Variants in CSMD1 observed in about 807,000 individuals in gnomAD.
CSMD1 encodes CUB and sushi domain-containing protein 1.
CSMD1 carries 213 observed loss-of-function variants against 417.5 expected under a neutral mutation model. The observed-to-expected ratio is 0.51, with a 90% confidence interval of 0.46 to 0.57. CSMD1 has a LOEUF of 0.57. Among genes scored for constraint, CSMD1 ranks in the 20% least tolerant of loss-of-function variants. The probability of loss-of-function intolerance (pLI) is 0.00; values close to 1 mark genes in which losing one functional copy is unlikely to be tolerated. For missense variants in CSMD1, 6,923 were observed against 4,529.7 expected (o/e 1.53, Z -15.17); for synonymous variants, 2,862 against 1,736.8 (o/e 1.65, Z -16.11).
intron 4 of CSMD1, among the ~76,000 whole-genome samples, chr8:4,005,925 AC>A (rs1441810110): frequency 6.6e-6 from 1 of 152,204 alleles, no homozygotes; most frequent in African/African-American, 2.4e-5. Flanking sequence ...ACTTTGCAGA[AC>A]CATGCATTTA....
chr8:3,607,758 C>G (rs1801691143), intron 8 of CSMD1, among the ~76,000 whole-genome samples: 1 of 152,250 alleles, frequency 6.6e-6, no homozygotes, highest in Admixed American at 6.5e-5. Context: ...AGCCCCTCCT[C>G]TGTATCTCCA....
intron 18 of CSMD1, among the ~76,000 whole-genome samples, chr8:3,379,608 A>G (rs1810509884): frequency 6.6e-6 from 1 of 152,154 alleles, no homozygotes; most frequent in African/African-American, 2.4e-5. Context: ...TCTACAACCA[A>G]CTGACCTTTG....
chr8:4,045,818 C>A (rs1340081239), intron 3 of CSMD1, among the ~76,000 whole-genome samples: 2 of 152,066 alleles, frequency 1.3e-5, no homozygotes, highest in Admixed American at 6.5e-5. Context: ...GGCTTCTCAG[C>A]ATCTTCATCA....
At position 4,988,831 on chromosome 8, in the gene CSMD1, A is replaced by T. The variant is rs1242673214; in HGVS notation, c.85+5501T>A. 2.6e-5 allele frequency among the ~76,000 whole-genome samples: 4 copies of T among 152,222 alleles called. No individual in the cohort carries two copies. The East Asian group carries it at 7.7e-4, about 29-fold the overall frequency. ...CAAAGAGGTTGATCTGCTGGAGGGA[A>T]AAAACAAGGTGTGCATTATTTCCAT... On this transcript the variant is annotated intron_variant, in intron 1 of 69. Transcript: ENST00000635120.
At chr8:3,915,004 C>T (rs996723089) in intron 5 of CSMD1, among the ~76,000 whole-genome samples, 2 of 152,092 alleles carry the variant, frequency 1.3e-5, no homozygotes, top group Non-Finnish European at 2.9e-5. Context: ...CACACACATA[C>T]AAGTGTTCAG....
chr8:4,196,508 G>T (rs972763812), intron 3 of CSMD1, among the ~76,000 whole-genome samples: 6 of 152,018 alleles, frequency 3.9e-5, no homozygotes, highest in African/African-American at 9.7e-5. Context: ...TACATTTATG[G>T]GGCCCACATT....
At chr8:4,861,726 G>C (rs1015816158) in intron 1 of CSMD1, among the ~76,000 whole-genome samples, 1 of 151,950 alleles carries the variant, frequency 6.6e-6, no homozygotes, top group African/African-American at 2.4e-5. Flanking sequence ...TATGGCATAC[G>C]TTAAAGAATG....
At chr8:3,855,868 TG>T (rs1804268724) in intron 5 of CSMD1, among the ~76,000 whole-genome samples, 1 of 152,240 alleles carries the variant, frequency 6.6e-6, no homozygotes, top group East Asian at 1.9e-4. Flanking sequence ...TATGACACTT[TG>T]GAAACATTGT....
In CSMD1 at chr8:3,931,351, C is replaced by G. The variant is rs567601987; in HGVS notation, c.818+66552G>C. Among the ~76,000 whole-genome samples, 62 of 150,580 alleles carry G rather than the reference C, an allele frequency of 4.1e-4. 2 individuals carry two copies. The highest frequency in any genetic ancestry group is 7.4e-4 in the Non-Finnish European group (50 of 67,544). ...TCAGCAGAAAAGGGCCACTCTCTCT[C>G]CCTCCCTCATTTCTCAGGCTTCTAT... On this transcript the variant is annotated intron_variant, in intron 5 of 69. Transcript: ENST00000635120.
chr8:4,119,643 A>T (rs1354485994), intron 3 of CSMD1, among the ~76,000 whole-genome samples: 4 of 152,174 alleles, frequency 2.6e-5, no homozygotes, highest in East Asian at 1.9e-4. Flanking sequence ...GTGAGGAACA[A>T]GGAAGCACAC....
intron 33 of CSMD1, among the ~76,000 whole-genome samples, chr8:3,198,343 C>A (rs1028187485): frequency 1.3e-5 from 2 of 152,200 alleles, no homozygotes; most frequent in African/African-American, 4.8e-5. Context: ...ATCTCACATA[C>A]TTTGGTCTAA....
chr8:4,638,142 G>T (rs1266595905), intron 1 of CSMD1, among the ~76,000 whole-genome samples: 7 of 152,124 alleles, frequency 4.6e-5, no homozygotes, highest in Admixed American at 3.9e-4. Flanking sequence ...TTAAAATACA[G>T]CCTCATCAAT....
At chr8:3,015,472 T>C (rs116319212) in intron 52 of CSMD1, among the ~76,000 whole-genome samples, 3,108 of 152,156 alleles carry the variant, frequency 0.02, 97 homozygotes, top group African/African-American at 0.069. Context: ...GCCATGATTA[T>C]ATAGACACAG....
intron 10 of CSMD1, among the ~76,000 whole-genome samples, chr8:3,542,893 T>G (rs28610258): frequency 0.29 from 44,806 of 152,048 alleles, 7,850 homozygotes; most frequent in East Asian, 0.43. Context: ...CAAGTGGGGC[T>G]CATGCGGTGG....
chr8:4,250,386 G>A (rs1276415988), intron 3 of CSMD1, among the ~76,000 whole-genome samples: 1 of 152,126 alleles, frequency 6.6e-6, no homozygotes, highest in Non-Finnish European at 1.5e-5. Flanking sequence ...GTGTCCCCAA[G>A]ATAAGATGCT....
chr8:4,660,250 T>C (rs577567942), intron 1 of CSMD1, among the ~76,000 whole-genome samples: 3 of 152,206 alleles, frequency 2.0e-5, no homozygotes, highest in South Asian at 4.1e-4. Context: ...CCATAACCAG[T>C]AAGTGATTTT....
At chr8:3,640,409 T>G (rs17066707) in intron 7 of CSMD1, among the ~76,000 whole-genome samples, 1 of 152,206 alleles carries the variant, frequency 6.6e-6, no homozygotes, top group South Asian at 2.1e-4. Context: ...TATGGTACAT[T>G]GTAAAGACCA....
At chr8:4,226,165 C>G (rs928650481) in intron 3 of CSMD1, among the ~76,000 whole-genome samples, 1 of 151,916 alleles carries the variant, frequency 6.6e-6, no homozygotes, top group Non-Finnish European at 1.5e-5. Flanking sequence ...TACTTGGCAT[C>G]TTACTCTTAG....
intron 29 of CSMD1, among the ~76,000 whole-genome samples, chr8:3,217,764 G>C (rs1381860606): frequency 2.0e-5 from 3 of 152,094 alleles, no homozygotes; most frequent in African/African-American, 7.2e-5. Context: ...TGCAGATTCT[G>C]ATGTTTGGGA....
Sources: gnomAD v4.1 joint callset for allele counts (sites outside exome capture counted in the v4.1 genomes callset) on GRCh38, gnomAD v4.1.1 for gene constraint, MANE v1.5 for transcripts, NCBI Gene and HGNC (gene_info 2026-07-23, HGNC 2026-07-21) for gene names.